ST3GAL1: variants seen among roughly 807,000 people sequenced by gnomAD.
ST3GAL1 encodes the protein ST3 beta-galactoside alpha-2,3-sialyltransferase 1, also known as CMP-N-acetylneuraminate-beta-galactosamide-alpha-2,3-sialyltransferase 1.
In ST3GAL1, 16 loss-of-function variants were observed where a neutral mutation model predicts 34.1. The observed-to-expected ratio is 0.47, with a 90% CI of 0.32 to 0.71. The LOEUF is 0.71. ST3GAL1 is among the 30% of genes least tolerant of loss of function. The pLI is 0.04. For synonymous variants in ST3GAL1, 191 were observed against 184.7 expected, an observed-to-expected ratio of 1.03 and a Z score of -0.28; for missense variants, 353 against 447.4, an observed-to-expected ratio of 0.79 and a Z score of 1.90.
At chr8:133,494,833 G>A (rs1816893264) in intron 3 of ST3GAL1, among the ~76,000 whole-genome samples, 1 of 151,934 alleles carries the variant, frequency 6.6e-6, no homozygotes, top group Admixed American at 6.6e-5. Context: ...TCAATTCAGG[G>A]TGCTGGGTCA....
chr8:133,524,412 A>G (rs1442850419), intron 2 of ST3GAL1, among the ~76,000 whole-genome samples: 1 of 152,216 alleles, frequency 6.6e-6, no homozygotes, highest in African/African-American at 2.4e-5. Flanking sequence ...GCAGGTGAGC[A>G]GATCCTGATG....
chr8:133,551,840 T>C (rs1027117437), intron 1 of ST3GAL1, among the ~76,000 whole-genome samples: 1 of 152,234 alleles, frequency 6.6e-6, no homozygotes, highest in East Asian at 1.9e-4. Context: ...CCCTTTATAC[T>C]CAAAAGCTCA....
At chr8:133,492,926 C>T (rs1324343878) in intron 3 of ST3GAL1, among the ~76,000 whole-genome samples, 1 of 152,220 alleles carries the variant, frequency 6.6e-6, no homozygotes, top group Non-Finnish European at 1.5e-5. Context: ...GAGTGCTCCT[C>T]ACCCTCCGTC....
chr8:133,474,560 C>T (rs1816084321), intron 5 of ST3GAL1, among the ~76,000 whole-genome samples: 1 of 152,178 alleles, frequency 6.6e-6, no homozygotes, highest in African/African-American at 2.4e-5. Flanking sequence ...CCAGAGTCCT[C>T]CCCTGGGTCT....
At chr8:133,472,919 C>A (rs1183204119) in intron 5 of ST3GAL1, among the ~76,000 whole-genome samples, 1 of 150,332 alleles carries the variant, frequency 6.7e-6, no homozygotes, top group African/African-American at 2.4e-5. Flanking sequence ...AAAATAAATA[C>A]AATTGTTAAA....
chr8:133,552,720 G>A (rs1046703087), intron 1 of ST3GAL1, among the ~76,000 whole-genome samples: 1 of 152,202 alleles, frequency 6.6e-6, no homozygotes, highest in African/African-American at 2.4e-5. Flanking sequence ...TCTGAAATGG[G>A]CTCAACACAT....
intron 1 of ST3GAL1, among the ~76,000 whole-genome samples, chr8:133,547,866 G>C (rs1217624644): frequency 6.6e-6 from 1 of 152,330 alleles, no homozygotes; most frequent in African/African-American, 2.4e-5. Flanking sequence ...ATTATGAAGA[G>C]ATAATGAGGG....
chr8:133,486,578 G>A (rs1308795040), intron 3 of ST3GAL1, among the ~76,000 whole-genome samples: 2 of 152,248 alleles, frequency 1.3e-5, no homozygotes, highest in Non-Finnish European at 2.9e-5. Flanking sequence ...GCCACAGTGA[G>A]GTGAGGCCTG....
intron 2 of ST3GAL1, among the ~76,000 whole-genome samples, chr8:133,518,289 C>T (rs966381401): frequency 6.6e-6 from 1 of 152,214 alleles, no homozygotes; most frequent in Non-Finnish European, 1.5e-5. Flanking sequence ...TCCAATCCCC[C>T]AGTCAGAACA....
chr8:133,504,622 G>A (rs1157161228), intron 2 of ST3GAL1, among the ~76,000 whole-genome samples: 4 of 152,160 alleles, frequency 2.6e-5, no homozygotes, highest in African/African-American at 9.7e-5. Context: ...CATGCTGGGG[G>A]AGAGTGGCCA....
intron 2 of ST3GAL1, among the ~76,000 whole-genome samples, chr8:133,532,354 C>T (rs1399706098): frequency 6.6e-6 from 1 of 151,964 alleles, no homozygotes; most frequent in African/African-American, 2.4e-5. Context: ...CACCTGTAAT[C>T]CCAGCTATGG....
intron 3 of ST3GAL1, among the ~76,000 whole-genome samples, chr8:133,481,337 G>A (rs755155147): frequency 9.9e-5 from 15 of 152,194 alleles, no homozygotes; most frequent in Non-Finnish European, 2.1e-4. Context: ...GGGCATAGCC[G>A]TTCTCAACAG....
chr8:133,482,404 C>T (rs1816426769), intron 3 of ST3GAL1, among the ~76,000 whole-genome samples: 1 of 152,156 alleles, frequency 6.6e-6, no homozygotes, highest in African/African-American at 2.4e-5. Flanking sequence ...GAGGATGGGG[C>T]CCAGAGAGGC....
At chr8:133,472,578 T>C (rs764185465) in intron 5 of ST3GAL1, among the ~76,000 whole-genome samples, 2 of 152,236 alleles carry the variant, frequency 1.3e-5, no homozygotes, top group Non-Finnish European at 2.9e-5. Context: ...GATGGCTTTG[T>C]TGTCAGATAT....
rs118032428 is a variant in ST3GAL1 at position 133,515,152 on chromosome 8, G to A, written c.-428-15963C>T. ...GGCCTTAGTGGAAAGGCCTGCCTCC[G>A]AGGACGAGGTCCTCACTGCCATCTT... On this transcript the variant is annotated intron_variant, in intron 2 of 9. Transcript: ENST00000522652. Among the ~76,000 whole-genome samples the A allele has an allele frequency of 5.3e-3, 800 of 152,266 alleles. 5 individuals are homozygous for A. The highest frequency in any genetic ancestry group is 0.017 in the Middle Eastern group (5 of 294).
intron 3 of ST3GAL1, among the ~76,000 whole-genome samples, chr8:133,495,312 A>G (rs951432265): frequency 6.6e-6 from 1 of 152,192 alleles, no homozygotes; most frequent in Non-Finnish European, 1.5e-5. Flanking sequence ...CTTGAACTCA[A>G]GGGCTTTCTT....
intron 1 of ST3GAL1, among the ~76,000 whole-genome samples, chr8:133,546,221 G>A (rs959168517): frequency 9.2e-5 from 14 of 152,312 alleles, no homozygotes; most frequent in South Asian, 2.1e-4. Context: ...CGGCTTGGGC[G>A]CCTGTAATCC....
intron 2 of ST3GAL1, chr8:133,515,451 AAT>A (rs1330169088): frequency 6.6e-6 from 1 of 152,202 alleles, no homozygotes; most frequent in East Asian, 1.9e-4. Flanking sequence ...TCCTCCGGGT[AAT>A]GAGTGAGTGC....
intron 2 of ST3GAL1, among the ~76,000 whole-genome samples, chr8:133,517,441 C>T (rs1472863816): frequency 6.6e-6 from 1 of 152,174 alleles, no homozygotes; most frequent in Non-Finnish European, 1.5e-5. Flanking sequence ...CCTCTGCCTC[C>T]CGGGTTCAAG....
Sources: allele counts gnomAD v4.1 joint callset (sites outside exome capture counted in the v4.1 genomes callset), GRCh38; gene constraint gnomAD v4.1.1; transcripts MANE v1.5; gene names NCBI Gene and HGNC (gene_info 2026-07-23, HGNC 2026-07-21).